The following PPP2R5E variants were observed in gnomAD, a reference collection of about 807,000 sequenced individuals.
The protein encoded by PPP2R5E is serine/threonine-protein phosphatase 2A 56 kDa regulatory subunit epsilon isoform.
Under a neutral mutation model 65.3 loss-of-function variants are expected in PPP2R5E, and 4 were observed. That is an observed-to-expected ratio of 0.06 (90% CI 0.03 to 0.14). The LOEUF is 0.14. Ranked by LOEUF, PPP2R5E falls within the 10% of genes least tolerant of loss-of-function variation. The pLI is 1.00. For synonymous variants in PPP2R5E, 183 were observed against 187.4 expected, an observed-to-expected ratio of 0.98 and a Z score of 0.19; for missense variants, 274 against 556.1, an observed-to-expected ratio of 0.49 and a Z score of 5.10.
chr14:63,424,802 T>C (rs531738598), intron 3 of PPP2R5E, among the ~76,000 whole-genome samples: 96 of 148,304 alleles, frequency 6.5e-4, no homozygotes, highest in African/African-American at 2.1e-3. Context: ...TATTTAGAAA[T>C]TGGGTAGAAA....
At chr14:63,529,641 T>C (rs1309858909) in intron 2 of PPP2R5E, among the ~76,000 whole-genome samples, 3 of 152,118 alleles carry the variant, frequency 2.0e-5, no homozygotes, top group African/African-American at 7.2e-5. Flanking sequence ...CCTCCCAAAG[T>C]GCTGGGATTA....
Position 63,376,102 on chromosome 14 carries a change from T to C in PPP2R5E, c.1311A>G (p.Lys437=). The change falls in exon 14 of 14, where the codon AAA becomes AAG. Residue 437 remains lysine, a synonymous_variant. Transcript: ENST00000337537. ...ATTCTTCACGCTCCTTTTCTTTCTT[T>C]TTCTCACTGAGGAAGAAACAGAATA... ...ATYKSDRQRE[K]KKEKEREELW... is the part of the protein sequence containing the mutation. The C allele has an allele frequency of 6.3e-7, 1 of 1,594,796 alleles. No homozygotes were observed. The highest frequency in any genetic ancestry group is 1.1e-5 in the South Asian group (1 of 90,652).
chr14:63,490,880 C>T (rs970058473), intron 2 of PPP2R5E, among the ~76,000 whole-genome samples: 1 of 151,904 alleles, frequency 6.6e-6, no homozygotes, highest in Admixed American at 6.6e-5. Flanking sequence ...ATTCCATTAC[C>T]GGATATATAC....
In PPP2R5E at chr14:63,421,744, G is replaced by A. The variant is rs553742218; in HGVS notation, c.456+249C>T. Among the ~76,000 whole-genome samples the A allele has an allele frequency of 1.7e-4, 26 of 152,298 alleles. No homozygotes were observed. The South Asian group carries it at 5.4e-3, about 32-fold the overall frequency. ...GCAGGATCATAAAGAAGCTCTAATA[G>A]AGAAATAAGAACTGCTGGCTGTACC... On this transcript the variant is annotated intron_variant, in intron 4 of 13. Coordinates refer to ENST00000337537, the MANE Select transcript of PPP2R5E (RefSeq NM_006246.5).
At chr14:63,431,224 C>T (rs1380177446) in intron 3 of PPP2R5E, among the ~76,000 whole-genome samples, 1 of 151,094 alleles carries the variant, frequency 6.6e-6, no homozygotes, top group African/African-American at 2.4e-5. Flanking sequence ...GCCAAGATCA[C>T]GCCACTGCAC....
At chr14:63,453,525 C>T in intron 3 of PPP2R5E, 164 bp downstream of exon 3, 2 of 518,552 alleles carry the variant, frequency 3.9e-6, no homozygotes, top group Non-Finnish European at 6.4e-6. Flanking sequence ...TGAAATCATG[C>T]TCTTCAAATT....
chr14:63,475,533 G>A (rs1890365820), intron 2 of PPP2R5E, among the ~76,000 whole-genome samples: 1 of 152,010 alleles, frequency 6.6e-6, no homozygotes, highest in Non-Finnish European at 1.5e-5. Flanking sequence ...AACTTGGGAT[G>A]GATATCCAGA....
At chr14:63,505,718 C>T (rs1892130407) in intron 2 of PPP2R5E, among the ~76,000 whole-genome samples, 1 of 152,188 alleles carries the variant, frequency 6.6e-6, no homozygotes, top group Admixed American at 6.5e-5. Context: ...CAGAGTTCCA[C>T]AGAGAAATCC....
intron 2 of PPP2R5E, among the ~76,000 whole-genome samples, chr14:63,538,754 G>C (rs2139775836): frequency 6.6e-6 from 1 of 151,102 alleles, no homozygotes; most frequent in Middle Eastern, 3.4e-3. Context: ...AGACCAGCCT[G>C]ACCAACATGG....
intron 2 of PPP2R5E, among the ~76,000 whole-genome samples, chr14:63,481,472 G>A (rs1449611962): frequency 6.9e-6 from 1 of 145,902 alleles, no homozygotes; most frequent in Non-Finnish European, 1.5e-5. Flanking sequence ...CTCCAGCCTG[G>A]GCGATAGAGC....
At chr14:63,448,023 C>T (rs1047917049) in intron 3 of PPP2R5E, among the ~76,000 whole-genome samples, 3 of 152,144 alleles carry the variant, frequency 2.0e-5, no homozygotes, top group African/African-American at 4.8e-5. Context: ...TCAGGTCGGG[C>T]GCGGTGGCTC....
chr14:63,445,013 G>T (rs1888405844), intron 3 of PPP2R5E, among the ~76,000 whole-genome samples: 1 of 152,158 alleles, frequency 6.6e-6, no homozygotes, highest in Non-Finnish European at 1.5e-5. Flanking sequence ...ATCAAAAGAG[G>T]TGTTAGTTTT....
chr14:63,463,789 G>T (rs1292103956), intron 2 of PPP2R5E, among the ~76,000 whole-genome samples: 1 of 151,820 alleles, frequency 6.6e-6, no homozygotes, highest in Non-Finnish European at 1.5e-5. Flanking sequence ...GTAGAGACGG[G>T]GTTTCACCGT....
intron 4 of PPP2R5E, among the ~76,000 whole-genome samples, chr14:63,417,489 G>GA (rs61229217): frequency 0.32 from 39,280 of 121,188 alleles, 8,013 homozygotes; most frequent in African/African-American, 0.6. Flanking sequence ...TCATGAGGAG[G>GA]AAAAAAAAAA....
In PPP2R5E at chr14:63,514,987, T is replaced by C. The variant is rs147984332; in HGVS notation, c.157+24542A>G. Among the ~76,000 whole-genome samples, 782 of 152,222 alleles carry C rather than the reference T, an allele frequency of 5.1e-3. 14 individuals carry two copies. In the South Asian group the frequency reaches 0.072, roughly 14 times the overall value. ...GATTTCTGCCTAGCTCCCAAACCTA[T>C]CCCTCTTTTCATAACTCTACCCTGC... On this transcript the variant is annotated intron_variant, in intron 2 of 13. Transcript: ENST00000337537.
chr14:63,406,366 G>A (rs532358859), intron 5 of PPP2R5E, among the ~76,000 whole-genome samples: 2 of 148,860 alleles, frequency 1.3e-5, no homozygotes, highest in South Asian at 2.1e-4. Context: ...AGCCGAGATC[G>A]AGCCACTGCA....
At chr14:63,541,822 TAA>T (rs1015167903) in intron 1 of PPP2R5E, among the ~76,000 whole-genome samples, 2 of 145,802 alleles carry the variant, frequency 1.4e-5, no homozygotes, top group Non-Finnish European at 3.0e-5. Flanking sequence ...TGGTTTTCTT[TAA>T]AAAAAAAAAA....
rs569016909 is a variant in PPP2R5E at position 63,464,241 on chromosome 14, T to C, written c.158-10356A>G. ...CATTCTAGCAGGAAGAGACAAATAA[T>C]AGAAACTAAAAATAATAAACATGTT... On this transcript the variant is annotated intron_variant, in intron 2 of 13. Transcript: ENST00000337537. Among the ~76,000 whole-genome samples, 12 of 152,222 alleles carry C rather than the reference T, an allele frequency of 7.9e-5. No homozygotes were observed. The South Asian group carries it at 2.1e-3, about 26-fold the overall frequency.
At chr14:63,489,329 CA>C (rs1192531451) in intron 2 of PPP2R5E, among the ~76,000 whole-genome samples, 2 of 151,986 alleles carry the variant, frequency 1.3e-5, no homozygotes, top group East Asian at 3.8e-4. Context: ...CTATTTGTCC[CA>C]AAACTCTTCT....
Sources: gnomAD v4.1 joint callset for allele counts (sites outside exome capture counted in the v4.1 genomes callset) on GRCh38, gnomAD v4.1.1 for gene constraint, MANE v1.5 for transcripts, NCBI Gene and HGNC (gene_info 2026-07-23, HGNC 2026-07-21) for gene names.